VAPB: variants seen among roughly 807,000 people sequenced by gnomAD.
The protein encoded by VAPB is VAMP associated protein B and C.
Under a neutral mutation model 25.6 loss-of-function variants are expected in VAPB, and 7 were observed. That is an observed-to-expected ratio of 0.27 (90% CI 0.16 to 0.51). The LOEUF (loss-of-function observed/expected upper bound fraction) is 0.51. Ranked by LOEUF, VAPB falls within the 20% of genes least tolerant of loss-of-function variation. The pLI is 0.97. For synonymous variants in VAPB, 112 were observed against 109.2 expected (o/e 1.03, Z -0.16); for missense variants, 266 against 301.3 (o/e 0.88, Z 0.87).
At chr20:58,399,162 G>A (rs1171431255) in intron 1 of VAPB, among the ~76,000 whole-genome samples, 1 of 151,930 alleles carries the variant, frequency 6.6e-6, no homozygotes, top group East Asian at 1.9e-4. Flanking sequence ...TTAGCCGGGC[G>A]TGGTGGTGCA....
rs539502854 is a variant in VAPB at position 58,444,414 on chromosome 20, C to T, written c.*179C>T. 6.8e-5 allele frequency: 57 copies of T among 841,616 alleles called. No homozygotes were observed. Among genetic ancestry groups the T allele is most frequent in the Non-Finnish European group, 1.0e-4 (53 of 513,722 alleles). 52.1% of individuals were successfully genotyped at this position (841,616 alleles called of 1,614,324 possible). ...ATACACACACACAAATATAATGTAA[C>T]GATCTTTTAGAAAGTTAAAAATGTA... On this transcript the variant is annotated 3_prime_UTR_variant, in exon 6 of 6. Transcript: ENST00000475243.
chr20:58,444,747 A>G lies in VAPB; in HGVS notation c.*512A>G. The G allele has an allele frequency of 2.2e-6, 1 of 454,554 alleles. No individual in the cohort carries two copies. The highest frequency in any genetic ancestry group is 4.4e-6 in the Non-Finnish European group (1 of 226,810). The allele number at this position is 454,554 out of a possible 1,614,324, so 28.2% of individuals were successfully genotyped here. On this transcript the variant is annotated 3_prime_UTR_variant, in exon 6 of 6. Transcript: ENST00000475243. ...GCCATCAGCTCCTTGGGACTGATGA[A>G]CAGAGTCAGAAGCCCAAAGGAATTG...
At chr20:58,435,186 C>T (rs1293820945) in intron 3 of VAPB, among the ~76,000 whole-genome samples, 1 of 151,822 alleles carries the variant, frequency 6.6e-6, no homozygotes, top group African/African-American at 2.4e-5. Flanking sequence ...TATTTATTTT[C>T]CCCCCTGCTT....
At chr20:58,399,791 T>C (rs776518586) in intron 1 of VAPB, among the ~76,000 whole-genome samples, 7 of 152,116 alleles carry the variant, frequency 4.6e-5, no homozygotes, top group Non-Finnish European at 8.8e-5. Context: ...GATCACTTCT[T>C]ATTGTGAGCT....
chr20:58,434,564 A>G (rs1238443784), intron 2 of VAPB, 38 bp from the exon 3 acceptor site: 2 of 1,052,348 alleles, frequency 1.9e-6, no homozygotes, highest in Non-Finnish European at 1.5e-6. Flanking sequence ...ACTGACAACC[A>G]AGCTCTGACC....
At chr20:58,409,934 C>CACACAA (rs1555811896) in intron 1 of VAPB, among the ~76,000 whole-genome samples, 1 of 148,338 alleles carries the variant, frequency 6.7e-6, no homozygotes, top group African/African-American at 2.5e-5. Flanking sequence ...CACACACACA[C>CACACAA]AATACAGATA....
intron 1 of VAPB, among the ~76,000 whole-genome samples, chr20:58,399,408 T>G (rs1474112603): frequency 2.0e-5 from 3 of 151,962 alleles, no homozygotes; most frequent in East Asian, 3.9e-4. Context: ...TCTGGGACAT[T>G]AGAATGACTG....
intron 1 of VAPB, among the ~76,000 whole-genome samples, chr20:58,396,341 A>G (rs1987958647): frequency 1.3e-5 from 2 of 152,134 alleles, no homozygotes; most frequent in South Asian, 4.1e-4. Flanking sequence ...TGTTTCAATT[A>G]CTACATTGTT....
intron 1 of VAPB, among the ~76,000 whole-genome samples, chr20:58,408,312 A>G (rs1697464350): frequency 6.6e-6 from 1 of 152,226 alleles, no homozygotes; most frequent in African/African-American, 2.4e-5. Flanking sequence ...AGAGTTCTTC[A>G]GGAAAGTTAT....
At chr20:58,409,203 GTGT>G (rs1472707232) in intron 1 of VAPB, among the ~76,000 whole-genome samples, 1 of 152,124 alleles carries the variant, frequency 6.6e-6, no homozygotes, top group Non-Finnish European at 1.5e-5. Context: ...AAAAAAGTCT[GTGT>G]TGATGGAGTT....
intron 2 of VAPB, among the ~76,000 whole-genome samples, chr20:58,427,841 T>C (rs888765681): frequency 1.6e-5 from 2 of 126,800 alleles, no homozygotes; most frequent in Non-Finnish European, 3.4e-5. Flanking sequence ...ATTATGATGC[T>C]GGTGAAAGTG....
chr20:58,414,405 G>A lies in VAPB; in HGVS notation c.59-3806G>A, dbSNP rs558373395. ...CTCCCAGACGGGGTGGCCGCCGGGCGGAGAGGCTCCCCACCCCTCAGACGG... is the reference window on the plus strand; with the variant it reads ...CTCCCAGACGGGGTGGCCGCCGGGCAGAGAGGCTCCCCACCCCTCAGACGG... On this transcript the variant is annotated intron_variant, in intron 1 of 5. Coordinates refer to ENST00000475243, the MANE Select transcript of VAPB (RefSeq NM_004738.5). Among the ~76,000 whole-genome samples the A allele has an allele frequency of 5.1e-3, 752 of 148,826 alleles. 5 individuals are homozygous for A. Among genetic ancestry groups the A allele is most frequent in the Non-Finnish European group, 5.1e-3 (339 of 66,744 alleles).
intron 2 of VAPB, among the ~76,000 whole-genome samples, chr20:58,420,233 C>T (rs1177349381): frequency 1.3e-5 from 2 of 152,232 alleles, no homozygotes; most frequent in Admixed American, 6.5e-5. Flanking sequence ...GATCCGCCTG[C>T]CTCGGCCTCC....
chr20:58,409,902 T>TACACACACAC (rs879524307), intron 1 of VAPB, among the ~76,000 whole-genome samples: 80 of 120,194 alleles, frequency 6.7e-4, no homozygotes, highest in Non-Finnish European at 4.3e-4. Context: ...TCTTTATTCA[T>TACACACACAC]ATACACACAC....
rs1483778076 is a variant in VAPB, at chr20:58,448,470, A to C, written c.*4235A>C. ...ATTGAACTTAATCCTTGCAACTGTG[A>C]CTGGGGGGTAGATGGCTCTGTTTGC... On this transcript the variant is annotated 3_prime_UTR_variant, in exon 6 of 6. Transcript: ENST00000475243. The C allele has an allele frequency of 2.2e-6, 1 of 454,058 alleles. No individual in the cohort carries two copies. Among genetic ancestry groups the C allele is most frequent in the Admixed American group, 2.3e-5 (1 of 42,562 alleles). The allele number at this position is 454,058 out of a possible 1,614,324, so 28.1% of individuals were successfully genotyped here. A position where few individuals can be genotyped will look rare whatever the true frequency, so the allele number is the denominator to read the frequency against.
Position 58,444,202 on chromosome 20 carries a change from CGTT to C in VAPB, c.701_703del (p.Val234del). 2.5e-6 allele frequency: 4 copies of C among 1,614,164 alleles called. No individual in the cohort carries two copies. The highest frequency in any genetic ancestry group is 2.5e-6 in the Non-Finnish European group (3 of 1,180,034). On this transcript the variant is annotated inframe_deletion, in exon 6 of 6. Transcript: ENST00000475243. Reference sequence around the variant, plus strand: ...TGGCTCTGGTGGTTTTGTTCTTTATCGTTGGTGTAATTATTGGGAAGATTGCCT... The same window carrying C: ...TGGCTCTGGTGGTTTTGTTCTTTATCGGTGTAATTATTGGGAAGATTGCCT...
rs766272532 is a variant in VAPB at position 58,447,134 on chromosome 20, G to A, written c.*2899G>A. The A allele has an allele frequency of 5.5e-5, 25 of 453,978 alleles. No homozygotes were observed. Among genetic ancestry groups the A allele is most frequent in the African/African-American group, 4.4e-4 (22 of 49,988 alleles). 28.1% of individuals were successfully genotyped at this position (453,978 alleles called of 1,614,324 possible). A position where few individuals can be genotyped will look rare whatever the true frequency, so the allele number is the denominator to read the frequency against. On this transcript the variant is annotated 3_prime_UTR_variant, in exon 6 of 6. Coordinates refer to ENST00000475243, the MANE Select transcript of VAPB (RefSeq NM_004738.5). ...ACAGCACCTCAGAGAGGGCGGCCCT[G>A]GCTTCAGAAATGCCAGCCATAGTGC...
chr20:58,445,483 CCA>C lies in VAPB; in HGVS notation c.*1249_*1250del, dbSNP rs1190909990. 6.6e-6 allele frequency: 3 copies of C among 454,244 alleles called. No individual in the cohort carries two copies. Among genetic ancestry groups the C allele is most frequent in the Non-Finnish European group, 1.3e-5 (3 of 226,740 alleles). 28.1% of individuals were successfully genotyped at this position (454,244 alleles called of 1,614,324 possible). ...TGAATTAATTTTATGCCATAAAAGA[CCA>C]ACCCAGTTCTGTTTGACTATGTAGC... On this transcript the variant is annotated 3_prime_UTR_variant, in exon 6 of 6. Transcript: ENST00000475243.
At position 58,415,588 on chromosome 20, in the gene VAPB, A is replaced by AT. The variant is rs568767675; in HGVS notation, c.59-2614dup. On this transcript the variant is annotated intron_variant, in intron 1 of 5. Transcript: ENST00000475243. ...TATGCTGTGGTTCTAGAGACACATC[A>AT]TTTTTTTTTATCTCTAAAAAGGAAA... Among the ~76,000 whole-genome samples the AT allele has an allele frequency of 5.3e-4, 81 of 151,606 alleles. 1 individual carries two copies. The highest frequency in any genetic ancestry group is 5.0e-3 in the South Asian group (24 of 4,810).
Sources: allele counts gnomAD v4.1 joint callset (sites outside exome capture counted in the v4.1 genomes callset), GRCh38; gene constraint gnomAD v4.1.1; transcripts MANE v1.5; gene names NCBI Gene and HGNC (gene_info 2026-07-23, HGNC 2026-07-21).